REDIC1: variants seen among roughly 807,000 people sequenced by gnomAD.
The protein encoded by REDIC1 is HEI10 Interacting Protein 1.
chr12:39,670,011 T>C, the REDIC1 span, among the ~76,000 whole-genome samples: 3 of 152,168 alleles, frequency 2.0e-5, no homozygotes, highest in African/African-American at 7.2e-5. Context: ...AGTGAGGCGA[T>C]GCCTTGTCCT....
At chr12:39,658,237 C>T in the REDIC1 span, among the ~76,000 whole-genome samples, 124 of 152,092 alleles carry the variant, frequency 8.2e-4, 1 homozygote, top group African/African-American at 2.6e-3. Flanking sequence ...CCTCCCACCA[C>T]GCCTGGCTAA....
the REDIC1 span, among the ~76,000 whole-genome samples, chr12:39,883,240 G>C: frequency 6.6e-6 from 1 of 152,092 alleles, no homozygotes; most frequent in African/African-American, 2.4e-5. Context: ...CCCTGGAGTA[G>C]GATGTAAAGG....
chr12:39,647,652 C>T, the REDIC1 span: 1 of 543,082 alleles, frequency 1.8e-6, no homozygotes, highest in Non-Finnish European at 3.0e-6. Context: ...CTGTCAATTA[C>T]TGATGGGTTG....
At chr12:39,886,839 A>G in the REDIC1 span, among the ~76,000 whole-genome samples, 13 of 152,240 alleles carry the variant, frequency 8.5e-5, no homozygotes, top group African/African-American at 3.1e-4. Context: ...GAGGGCAGAA[A>G]TAATTTCCTG....
At chr12:39,848,881 T>G in the REDIC1 span, among the ~76,000 whole-genome samples, 1 of 152,154 alleles carries the variant, frequency 6.6e-6, no homozygotes, top group Non-Finnish European at 1.5e-5. Context: ...GGAACATGGA[T>G]GGAGCTGGAG....
the REDIC1 span, among the ~76,000 whole-genome samples, chr12:39,669,488 T>C: frequency 4.6e-4 from 70 of 152,210 alleles, no homozygotes; most frequent in Non-Finnish European, 7.5e-4. Context: ...CCAGTTAGGC[T>C]ACTCGGGCGT....
At chr12:39,761,070 T>C in the REDIC1 span, among the ~76,000 whole-genome samples, 6 of 151,820 alleles carry the variant, frequency 4.0e-5, no homozygotes, top group African/African-American at 1.5e-4. Context: ...AATTTTAGGC[T>C]TTCAGTCCAG....
At chr12:39,889,762 C>G in the REDIC1 span, among the ~76,000 whole-genome samples, 2 of 152,002 alleles carry the variant, frequency 1.3e-5, no homozygotes, top group Admixed American at 1.3e-4. Flanking sequence ...GATTTCTTGA[C>G]CTCGTGATCT....
At chr12:39,626,841 T>C in the REDIC1 span, among the ~76,000 whole-genome samples, 1 of 152,256 alleles carries the variant, frequency 6.6e-6, no homozygotes. Context: ...TTGTAGTTTG[T>C]ATTTTAAGGG....
At chr12:39,862,446 A>T in the REDIC1 span, among the ~76,000 whole-genome samples, 2 of 152,208 alleles carry the variant, frequency 1.3e-5, no homozygotes, top group Non-Finnish European at 2.9e-5. Flanking sequence ...TAGGCACTTA[A>T]CTTTTATTAG....
chr12:39,759,387 A>C, the REDIC1 span: 1 of 152,354 alleles, frequency 6.6e-6, no homozygotes, highest in Non-Finnish European at 1.5e-5. Context: ...AATGTTCAAA[A>C]GATAGTGTGC....
the REDIC1 span, among the ~76,000 whole-genome samples, chr12:39,856,409 G>A: frequency 3.3e-5 from 5 of 151,922 alleles, no homozygotes; most frequent in African/African-American, 1.2e-4. Flanking sequence ...TCACTCTGTC[G>A]CCAGGCTGGT....
At chr12:39,813,211 C>T in the REDIC1 span, among the ~76,000 whole-genome samples, 3 of 151,492 alleles carry the variant, frequency 2.0e-5, no homozygotes, top group Non-Finnish European at 4.4e-5. Flanking sequence ...TTTTTGCATT[C>T]CATTTTATCT....
At chr12:39,748,931 GA>G in the REDIC1 span, among the ~76,000 whole-genome samples, 1 of 152,080 alleles carries the variant, frequency 6.6e-6, no homozygotes, top group South Asian at 2.1e-4. Flanking sequence ...TGTGTAGAGG[GA>G]AATTTATAGC....
the REDIC1 span, among the ~76,000 whole-genome samples, chr12:39,845,091 G>A: frequency 2.0e-5 from 3 of 151,058 alleles, no homozygotes; most frequent in African/African-American, 7.3e-5. Context: ...TACTGTTTGG[G>A]GTATCACAAC....
At chr12:39,767,462 C>A in the REDIC1 span, among the ~76,000 whole-genome samples, 1 of 151,924 alleles carries the variant, frequency 6.6e-6, no homozygotes, top group Non-Finnish European at 1.5e-5. Context: ...ATTTTTGGAG[C>A]GGCAAATGAG....
At chr12:39,741,215 T>C in the REDIC1 span, among the ~76,000 whole-genome samples, 2 of 152,214 alleles carry the variant, frequency 1.3e-5, no homozygotes, top group South Asian at 4.1e-4. Context: ...CTGAAACAAT[T>C]TCGTTTGCCT....
the REDIC1 span, among the ~76,000 whole-genome samples, chr12:39,707,313 G>A: frequency 3.9e-5 from 6 of 151,938 alleles, no homozygotes; most frequent in African/African-American, 1.4e-4. Context: ...AATTGGATAT[G>A]ATATCACCTC....
At chr12:39,669,471 G>A in the REDIC1 span, among the ~76,000 whole-genome samples, 2 of 152,198 alleles carry the variant, frequency 1.3e-5, no homozygotes, top group Admixed American at 6.5e-5. Context: ...CTACTGGGGG[G>A]TGCATCCCAG....
Sources: allele counts gnomAD v4.1 joint callset (sites outside exome capture counted in the v4.1 genomes callset), GRCh38; gene constraint gnomAD v4.1.1; transcripts MANE v1.5; gene names NCBI Gene and HGNC (gene_info 2026-07-23, HGNC 2026-07-21).